PLCB1: variants seen among roughly 807,000 people sequenced by gnomAD.
PLCB1 encodes the protein 1-phosphatidylinositol 4,5-bisphosphate phosphodiesterase beta-1.
In PLCB1, 46 loss-of-function variants were observed where a neutral mutation model predicts 161.8. That is an observed-to-expected ratio of 0.28 (90% CI 0.22 to 0.36). The LOEUF is 0.36. PLCB1 is among the 10% of genes least tolerant of loss of function. The probability of loss-of-function intolerance (pLI) is 1.00; values close to 1 mark genes in which losing one functional copy is unlikely to be tolerated. For missense variants in PLCB1, 1,016 were observed against 1,472.5 expected, an observed-to-expected ratio of 0.69 and a Z score of 5.07; for synonymous variants, 517 against 503.7, an observed-to-expected ratio of 1.03 and a Z score of -0.35.
chr20:8,183,650 AC>A (rs1023312149), intron 2 of PLCB1, among the ~76,000 whole-genome samples: 38 of 152,304 alleles, frequency 2.5e-4, no homozygotes, highest in African/African-American at 8.7e-4. Context: ...AATAAAATAA[AC>A]CCAAACAAGT....
intron 14 of PLCB1, among the ~76,000 whole-genome samples, chr20:8,718,406 G>A (rs1979451583): frequency 1.3e-5 from 2 of 152,206 alleles, no homozygotes; most frequent in Non-Finnish European, 2.9e-5. Context: ...CTACACTCCA[G>A]GTGTCAGCCG....
intron 23 of PLCB1, among the ~76,000 whole-genome samples, chr20:8,744,024 T>C (rs1981017843): frequency 6.6e-6 from 1 of 152,202 alleles, no homozygotes; most frequent in Non-Finnish European, 1.5e-5. Flanking sequence ...TAAATCACTA[T>C]TAATATCATT....
At chr20:8,511,678 A>G (rs1467566444) in intron 3 of PLCB1, among the ~76,000 whole-genome samples, 1 of 152,092 alleles carries the variant, frequency 6.6e-6, no homozygotes, top group African/African-American at 2.4e-5. Context: ...ATTCTCGCCA[A>G]CGTTCGTTAT....
At chr20:8,341,540 T>A (rs2122225182) in intron 2 of PLCB1, among the ~76,000 whole-genome samples, 1 of 152,300 alleles carries the variant, frequency 6.6e-6, no homozygotes, top group Middle Eastern at 3.4e-3. Context: ...TTCTCTCAGA[T>A]CTTCATGGGG....
At chr20:8,681,855 T>C (rs561690160) in intron 9 of PLCB1, among the ~76,000 whole-genome samples, 1 of 152,308 alleles carries the variant, frequency 6.6e-6, no homozygotes, top group Non-Finnish European at 1.5e-5. Flanking sequence ...ATCTTCCAGT[T>C]TCAAAACAAT....
At chr20:8,401,965 C>G (rs551049586) in intron 3 of PLCB1, among the ~76,000 whole-genome samples, 2 of 152,284 alleles carry the variant, frequency 1.3e-5, no homozygotes, top group Non-Finnish European at 2.9e-5. Context: ...TCTAACATTA[C>G]TTATTGCATA....
At chr20:8,182,591 T>G (rs2051856071) in intron 2 of PLCB1, among the ~76,000 whole-genome samples, 1 of 151,478 alleles carries the variant, frequency 6.6e-6, no homozygotes, top group Non-Finnish European at 1.5e-5. Context: ...TTCTTTTTTT[T>G]TTTTTTTGAG....
chr20:8,330,805 C>A (rs1260576990), intron 2 of PLCB1, among the ~76,000 whole-genome samples: 1 of 151,690 alleles, frequency 6.6e-6, no homozygotes, highest in African/African-American at 2.4e-5. Flanking sequence ...TTGGCACCTA[C>A]AACATTAGCA....
intron 3 of PLCB1, among the ~76,000 whole-genome samples, chr20:8,522,794 T>C (rs1984403854): frequency 1.3e-5 from 2 of 152,218 alleles, no homozygotes; most frequent in Admixed American, 1.3e-4. Flanking sequence ...TGTTTGTACA[T>C]TATTTCAAAC....
intron 3 of PLCB1, among the ~76,000 whole-genome samples, chr20:8,483,580 T>G (rs148834701): frequency 1.2e-3 from 184 of 152,306 alleles, no homozygotes; most frequent in Middle Eastern, 6.8e-3. Flanking sequence ...CAGACAGTTT[T>G]TTGGGGAGAT....
chr20:8,248,020 T>C lies in PLCB1; in HGVS notation c.177+97649T>C, dbSNP rs139873021. Among the ~76,000 whole-genome samples the C allele has an allele frequency of 5.5e-4, 84 of 152,022 alleles. 1 individual carries two copies. The highest frequency in any genetic ancestry group is 2.4e-3 in the Admixed American group (37 of 15,260). On this transcript the variant is annotated intron_variant, in intron 2 of 31. Transcript: ENST00000338037. ...TGATAAACTAGTCCTCTGTCCTAGA[T>C]TGTGTTCCCCAGAAACAGACCTTGA...
intron 2 of PLCB1, among the ~76,000 whole-genome samples, chr20:8,188,735 A>T (rs2123104950): frequency 6.6e-6 from 1 of 152,140 alleles, no homozygotes; most frequent in East Asian, 1.9e-4. Context: ...TCACTTTCAA[A>T]ACTATTCTTA....
intron 31 of PLCB1, among the ~76,000 whole-genome samples, chr20:8,872,761 C>T (rs1300435343): frequency 6.6e-6 from 1 of 152,148 alleles, no homozygotes; most frequent in Non-Finnish European, 1.5e-5. Context: ...CTTGCCTCAT[C>T]TCCAAGGTTG....
intron 3 of PLCB1, among the ~76,000 whole-genome samples, chr20:8,423,073 C>T (rs1034470448): frequency 6.6e-5 from 10 of 152,110 alleles, no homozygotes; most frequent in Non-Finnish European, 1.2e-4. Flanking sequence ...CTGCAACCAC[C>T]GCAACTGTCA....
At chr20:8,467,718 A>G (rs946234257) in intron 3 of PLCB1, among the ~76,000 whole-genome samples, 20 of 152,066 alleles carry the variant, frequency 1.3e-4, no homozygotes, top group African/African-American at 4.8e-4. Flanking sequence ...TTATCTTTTG[A>G]GCATTTTCCA....
chr20:8,279,015 C>T (rs1982742303), intron 2 of PLCB1, among the ~76,000 whole-genome samples: 1 of 151,122 alleles, frequency 6.6e-6, no homozygotes, highest in South Asian at 2.1e-4. Flanking sequence ...CAAGTGTTGG[C>T]AAGGATGTAG....
chr20:8,192,656 A>C (rs185993908), intron 2 of PLCB1, among the ~76,000 whole-genome samples: 1 of 151,962 alleles, frequency 6.6e-6, no homozygotes, highest in African/African-American at 2.4e-5. Context: ...TAAATGCTAC[A>C]TAAGTGGCAC....
rs1979275959 is a variant in PLCB1, at chr20:8,218,978, C to T, written c.177+68607C>T. On this transcript the variant is annotated intron_variant, in intron 2 of 31. Transcript: ENST00000338037. ...TTTATTCTACACTGGATTTCCAGGA[C>T]TGTGACTGCCTTCTAAATTGAGGGA... is the stretch of plus-strand genomic sequence containing the variant. Among the ~76,000 whole-genome samples the T allele has an allele frequency of 2.0e-5, 3 of 152,156 alleles. No individual in the cohort carries two copies. In the South Asian group the frequency reaches 6.2e-4, roughly 32 times the overall value.
At chr20:8,670,557 T>A (rs1989917387) in intron 9 of PLCB1, among the ~76,000 whole-genome samples, 1 of 152,198 alleles carries the variant, frequency 6.6e-6, no homozygotes, top group Admixed American at 6.5e-5. Flanking sequence ...TAGCACAGTT[T>A]TTGCAATCAA....
Sources: allele counts gnomAD v4.1 joint callset (sites outside exome capture counted in the v4.1 genomes callset), GRCh38; gene constraint gnomAD v4.1.1; transcripts MANE v1.5; gene names NCBI Gene and HGNC (gene_info 2026-07-23, HGNC 2026-07-21).